The following NAV3 variants were observed in gnomAD, a reference collection of about 807,000 sequenced individuals.
The protein encoded by NAV3 is neuron navigator 3, also known as pore membrane and/or filament interacting like protein 1.
A neutral mutation model predicts 244.7 loss-of-function variants in NAV3; 87 were observed. The ratio of observed to expected loss-of-function variants is 0.36; its 90% confidence interval spans 0.30 to 0.42. The LOEUF is 0.42. NAV3 is among the 20% of genes least tolerant of loss of function. The pLI is 1.00. For synonymous variants in NAV3, 1,126 were observed against 1,042.2 expected (o/e 1.08, Z -1.55); for missense variants, 2,663 against 2,893.3 (o/e 0.92, Z 1.83).
At chr12:77,654,599 G>A (rs1329999102) in intron 2 of NAV3, among the ~76,000 whole-genome samples, 4 of 152,124 alleles carry the variant, frequency 2.6e-5, no homozygotes, top group Admixed American at 2.0e-4. Context: ...TTTGAGGAGA[G>A]CAGTGGTTCT....
chr12:78,016,029 G>A (rs1052045990), intron 8 of NAV3, among the ~76,000 whole-genome samples: 20 of 152,068 alleles, frequency 1.3e-4, no homozygotes, highest in African/African-American at 4.8e-4. Context: ...CAAACTGGCT[G>A]TGTCTCCTTT....
chr12:77,963,434 A>G (rs907266161), intron 3 of NAV3, among the ~76,000 whole-genome samples: 72 of 152,326 alleles, frequency 4.7e-4, no homozygotes, highest in African/African-American at 1.5e-3. Flanking sequence ...TGTATAGCCT[A>G]GTATATACTA....
intron 1 of NAV3, among the ~76,000 whole-genome samples, chr12:77,894,737 G>A (rs935973879): frequency 3.9e-5 from 6 of 152,156 alleles, no homozygotes; most frequent in Admixed American, 3.9e-4. Context: ...GGAGAGTTGG[G>A]TAACTGAAGA....
chr12:77,643,484 A>G (rs1225417793), intron 2 of NAV3, among the ~76,000 whole-genome samples: 2 of 151,704 alleles, frequency 1.3e-5, no homozygotes, highest in Non-Finnish European at 2.9e-5. Flanking sequence ...TCTTAGCATC[A>G]TATCTTATTT....
chr12:77,955,594 C>G (rs1330609825), intron 3 of NAV3, among the ~76,000 whole-genome samples: 1 of 151,802 alleles, frequency 6.6e-6, no homozygotes, highest in Non-Finnish European at 1.5e-5. Flanking sequence ...TTCTGGACAG[C>G]TGCAGTGGCT....
At chr12:77,654,827 C>T (rs1873010597) in intron 2 of NAV3, among the ~76,000 whole-genome samples, 1 of 151,116 alleles carries the variant, frequency 6.6e-6, no homozygotes, top group Non-Finnish European at 1.5e-5. Flanking sequence ...GCAGACACCA[C>T]TGCTAATACC....
intron 1 of NAV3, among the ~76,000 whole-genome samples, chr12:77,912,470 A>C (rs1886698062): frequency 6.6e-6 from 1 of 152,178 alleles, no homozygotes; most frequent in South Asian, 2.1e-4. Context: ...TGAATTACTC[A>C]GTAATTTATG....
At chr12:78,198,540 T>G in intron 35 of NAV3, 65 bp from the exon 36 acceptor site, 1 of 986,992 alleles carries the variant, frequency 1.0e-6, no homozygotes, top group Non-Finnish European at 1.5e-6. Context: ...TTTTCCAAGA[T>G]AATTTTAATG....
rs143962573 is a variant in NAV3 at position 77,915,668 on chromosome 12, A to G, written c.244-24651A>G. On this transcript the variant is annotated intron_variant, in intron 1 of 39. Coordinates refer to ENST00000397909, the MANE Select transcript of NAV3 (RefSeq NM_001024383.2). ...GTACATTTTCTATATCCCTGAAGAT[A>G]GTTATTTCATCTCTATGAAATAATT... Among the ~76,000 whole-genome samples the G allele has an allele frequency of 3.0e-4, 46 of 152,162 alleles. No individual in the cohort carries two copies. In the East Asian group the frequency reaches 7.6e-3, roughly 25 times the overall value.
intron 3 of NAV3, chr12:77,947,505 T>G (rs112267316): frequency 3.3e-5 from 5 of 151,498 alleles, no homozygotes; most frequent in Non-Finnish European, 7.4e-5. Context: ...TTTAATAAAA[T>G]CTTATATATG....
chr12:77,725,134 T>C (rs556608100), intron 2 of NAV3, among the ~76,000 whole-genome samples: 4 of 152,132 alleles, frequency 2.6e-5, no homozygotes, highest in Non-Finnish European at 4.4e-5. Context: ...TATTAAACTT[T>C]TTTCCATTGA....
At position 78,119,787 on chromosome 12, in the gene NAV3, A is replaced by G. The variant is rs1167459934; in HGVS notation, c.3591A>G (p.Thr1197=). 1 of 1,614,128 alleles carries G rather than the reference A, an allele frequency of 6.2e-7. No homozygotes were observed. Among genetic ancestry groups the G allele is most frequent in the Middle Eastern group, 1.6e-4 (1 of 6,062 alleles). The change falls in exon 15 of 40, where the codon ACA becomes ACG. Residue 1197 remains threonine (T), a synonymous_variant. Transcript: ENST00000397909. ...GRSSPVTVNQ[T]DKEKEKVAVS... ...CGAGTCCTGTCACCGTCAACCAAACAGACAAGGAAAAGGAAAAAGTAGCAG... is the reference window on the plus strand; with the variant it reads ...CGAGTCCTGTCACCGTCAACCAAACGGACAAGGAAAAGGAAAAAGTAGCAG...
chr12:77,957,662 A>G (rs769064458), intron 3 of NAV3, among the ~76,000 whole-genome samples: 3 of 151,964 alleles, frequency 2.0e-5, no homozygotes, highest in Non-Finnish European at 4.4e-5. Flanking sequence ...GAAATGAATA[A>G]CTATCAGTAT....
At chr12:77,684,384 T>G (rs2137127101) in intron 2 of NAV3, among the ~76,000 whole-genome samples, 1 of 152,264 alleles carries the variant, frequency 6.6e-6, no homozygotes, top group South Asian at 2.1e-4. Context: ...TCTCTCTGTC[T>G]CTCTCTCTTT....
intron 2 of NAV3, among the ~76,000 whole-genome samples, chr12:77,780,867 G>A (rs1337069630): frequency 6.6e-6 from 1 of 152,140 alleles, no homozygotes; most frequent in Non-Finnish European, 1.5e-5. Flanking sequence ...GCCAAGCTGA[G>A]GGAAGGTTTA....
At chr12:77,644,587 G>A (rs1397762167) in intron 2 of NAV3, among the ~76,000 whole-genome samples, 1 of 151,892 alleles carries the variant, frequency 6.6e-6, no homozygotes, top group African/African-American at 2.4e-5. Flanking sequence ...TGACGATAAA[G>A]CTCTTAAAAA....
rs554304801 is a variant in NAV3 at position 78,188,277 on chromosome 12, A to T, written c.5820A>T (p.Gly1940=). Residue 1940 remains glycine, a synonymous_variant, in exon 32 of 40, where the codon GGA becomes GGT. Coordinates refer to ENST00000397909, the MANE Select transcript of NAV3 (RefSeq NM_001024383.2). ...KDQKSQAYLI[G]SIGVSGKTKW... ...AAAAATCTCAGGCATATTTGATAGG[A>T]TCCATTGGTGTTAGTGGAAAAACCA... The T allele has an allele frequency of 2.5e-6, 4 of 1,611,438 alleles. No individual in the cohort carries two copies. Among genetic ancestry groups the T allele is most frequent in the Non-Finnish European group, 3.4e-6 (4 of 1,178,198 alleles).
At chr12:77,666,717 T>G (rs965979550) in intron 2 of NAV3, among the ~76,000 whole-genome samples, 1 of 152,194 alleles carries the variant, frequency 6.6e-6, no homozygotes, top group Non-Finnish European at 1.5e-5. Flanking sequence ...TAATCTAGAA[T>G]TTTTCTTTGA....
intron 2 of NAV3, among the ~76,000 whole-genome samples, chr12:77,753,731 C>G (rs1565799354): frequency 6.6e-6 from 1 of 152,146 alleles, no homozygotes; most frequent in Admixed American, 6.5e-5. Context: ...AAATGGCACA[C>G]AAGTGGTACC....
Sources: gnomAD v4.1 joint callset for allele counts (sites outside exome capture counted in the v4.1 genomes callset) on GRCh38, gnomAD v4.1.1 for gene constraint, MANE v1.5 for transcripts, NCBI Gene and HGNC (gene_info 2026-07-23, HGNC 2026-07-21) for gene names.